Variants in P2RX7 observed in about 807,000 individuals in gnomAD.
P2RX7 encodes the protein purinergic receptor P2X 7, also known as P2X purinoceptor 7.
Under a neutral mutation model 71.6 loss-of-function variants are expected in P2RX7, and 62 were observed. The observed-to-expected ratio is 0.87, with a 90% confidence interval of 0.71 to 1.07. The LOEUF (loss-of-function observed/expected upper bound fraction) is 1.07. Among genes scored for constraint, P2RX7 ranks in the 50% least tolerant of loss-of-function variants. The probability of loss-of-function intolerance (pLI) is 0.00; values close to 1 mark genes in which losing one functional copy is unlikely to be tolerated. For missense variants in P2RX7, 686 were observed against 748.5 expected (o/e 0.92, Z 0.97); for synonymous variants, 299 against 283.3 (o/e 1.06, Z -0.56).
chr12:121,168,302 C>T (rs1326636102), intron 8 of P2RX7, among the ~76,000 whole-genome samples: 2 of 141,432 alleles, frequency 1.4e-5, no homozygotes, highest in Non-Finnish European at 1.5e-5. Context: ...TAGATGGAGT[C>T]ACACTCTGCT....
intron 1 of P2RX7, among the ~76,000 whole-genome samples, chr12:121,135,841 T>C (rs1231235489): frequency 6.7e-6 from 1 of 149,574 alleles, no homozygotes; most frequent in Non-Finnish European, 1.5e-5. Flanking sequence ...CCATCTGTGC[T>C]AAAAATACAA....
chr12:121,137,298 A>G (rs1565935052), intron 1 of P2RX7, among the ~76,000 whole-genome samples: 1 of 152,166 alleles, frequency 6.6e-6, no homozygotes, highest in African/African-American at 2.4e-5. Flanking sequence ...CCCCTAAAAT[A>G]AGTCAACTCC....
At chr12:121,166,608 C>G (rs1421104481) in intron 7 of P2RX7, among the ~76,000 whole-genome samples, 1 of 152,178 alleles carries the variant, frequency 6.6e-6, no homozygotes, top group African/African-American at 2.4e-5. Flanking sequence ...AGCAGCATAA[C>G]ATCTTGCCTC....
Position 121,154,735 on chromosome 12 carries a change from A to G in P2RX7, c.126-50A>G, listed in dbSNP as rs1460159214. ...TGCATCCTCCAACGCCTGCATCCCA[A>G]CCCGCTGTGCTATGCCTCCCGTTGA... On this transcript the variant is annotated intron_variant, in intron 1 of 12. Transcript: ENST00000328963. This position sits in a 1 kb window ranked among gnomAD's most constrained non-coding sequence, Gnocchi z 4.2. 7.8e-7 allele frequency: 1 copy of G among 1,276,428 alleles called. No individual in the cohort carries two copies. The highest frequency in any genetic ancestry group is 1.1e-6 in the Non-Finnish European group (1 of 871,592). 79.1% of individuals were successfully genotyped at this position (1,276,428 alleles called of 1,614,324 possible).
chr12:121,145,198 C>G (rs2136004687), intron 1 of P2RX7, among the ~76,000 whole-genome samples: 1 of 152,248 alleles, frequency 6.6e-6, no homozygotes, highest in East Asian at 1.9e-4. Context: ...GCAGAAGTCC[C>G]CAAAAGATTC....
intron 1 of P2RX7, chr12:121,148,921 C>T: frequency 2.7e-6 from 1 of 365,506 alleles, no homozygotes; most frequent in Non-Finnish European, 5.3e-6. Context: ...TGTTTGTTGG[C>T]CTGGCTTAGG....
intron 1 of P2RX7, among the ~76,000 whole-genome samples, chr12:121,146,053 A>G (rs1593019235): frequency 1.3e-5 from 2 of 151,988 alleles, no homozygotes; most frequent in African/African-American, 2.4e-5. Flanking sequence ...CCTGTTAGAC[A>G]TTTCTTCCTT....
intron 1 of P2RX7, among the ~76,000 whole-genome samples, chr12:121,153,813 A>G (rs904504318): frequency 6.6e-5 from 10 of 152,108 alleles, no homozygotes; most frequent in African/African-American, 2.4e-4. Context: ...GAAGTGCTCA[A>G]TAAAGAGTAA....
At chr12:121,183,783 C>T (rs1385823143) in intron 12 of P2RX7, among the ~76,000 whole-genome samples, 2 of 151,998 alleles carry the variant, frequency 1.3e-5, no homozygotes, top group Admixed American at 1.3e-4. Flanking sequence ...GTAAAATAGG[C>T]CAGGTGCAGT....
chr12:121,165,226 T>C, intron 5 of P2RX7, 131 bp from the exon 6 acceptor site: 1 of 671,848 alleles, frequency 1.5e-6, no homozygotes, highest in Admixed American at 2.4e-5. Flanking sequence ...CCCACTAGGT[T>C]TGCTGTATCC....
chr12:121,173,252 A>C (rs1653605), intron 8 of P2RX7, among the ~76,000 whole-genome samples: 59,080 of 151,944 alleles, frequency 0.39, 11,939 homozygotes, highest in African/African-American at 0.45. Context: ...GTGGTGTGAT[A>C]TCGGCTCACT....
chr12:121,177,182 C>CATCG lies in P2RX7; in HGVS notation c.1009_1012dup (p.Gly338AspfsTer25), dbSNP rs1565974917. 4 of 1,614,182 alleles carry CATCG rather than the reference C, an allele frequency of 2.5e-6. No individual in the cohort carries two copies. Among genetic ancestry groups the CATCG allele is most frequent in the Middle Eastern group, 1.7e-4 (1 of 6,058 alleles). On this transcript the variant is annotated frameshift_variant, in exon 10 of 13. Coordinates refer to ENST00000328963, the MANE Select transcript of P2RX7 (RefSeq NM_002562.6). LOFTEE classifies it high-confidence loss of function. ...TTGACATTATCCAGCTGGTTGTGTA[C>CATCG]ATCGGCTCAACCCTCTCCTACTTCG...
At chr12:121,133,469 G>A (rs1369515630) in intron 1 of P2RX7, among the ~76,000 whole-genome samples, 1 of 152,212 alleles carries the variant, frequency 6.6e-6, no homozygotes, top group Non-Finnish European at 1.5e-5. Context: ...ATGCTTGGGA[G>A]GAATAGGACC....
intron 11 of P2RX7, among the ~76,000 whole-genome samples, chr12:121,178,499 A>G (rs975638588): frequency 6.6e-6 from 1 of 152,208 alleles, no homozygotes; most frequent in African/African-American, 2.4e-5. Flanking sequence ...AAGGTTAAAT[A>G]ATTGGCCCAA....
intron 12 of P2RX7, among the ~76,000 whole-genome samples, chr12:121,181,383 T>C (rs1884121367): frequency 6.6e-6 from 1 of 152,208 alleles, no homozygotes; most frequent in Non-Finnish European, 1.5e-5. Flanking sequence ...GGCACTCTAC[T>C]GGACAGTTAC....
intron 1 of P2RX7, among the ~76,000 whole-genome samples, chr12:121,150,804 G>T (rs1003599868): frequency 6.6e-6 from 1 of 152,228 alleles, no homozygotes; most frequent in Non-Finnish European, 1.5e-5. Flanking sequence ...AGCTACTTGG[G>T]AGGCTGAGGC....
intron 2 of P2RX7, 88 bp downstream of exon 2, chr12:121,155,041 TC>T: frequency 6.4e-7 from 1 of 1,560,188 alleles, no homozygotes; most frequent in Non-Finnish European, 8.7e-7. Flanking sequence ...ACAGCCTCAC[TC>T]CAGAAAAAAC....
chr12:121,140,914 C>T (rs1335410674), intron 1 of P2RX7, among the ~76,000 whole-genome samples: 1 of 152,090 alleles, frequency 6.6e-6, no homozygotes, highest in East Asian at 1.9e-4. Flanking sequence ...GGCGAAATCC[C>T]ATCTCTACTA....
intron 8 of P2RX7, among the ~76,000 whole-genome samples, chr12:121,172,093 C>A (rs1882313704): frequency 1.3e-5 from 2 of 151,734 alleles, no homozygotes; most frequent in African/African-American, 4.8e-5. Context: ...GATCTCCTGA[C>A]CTCGTGATCT....
Sources: gnomAD v4.1 joint callset for allele counts (sites outside exome capture counted in the v4.1 genomes callset) on GRCh38, gnomAD v4.1.1 for gene constraint, Gnocchi (gnomAD v3.1) non-coding constraint, MANE v1.5 for transcripts, NCBI Gene and HGNC (gene_info 2026-07-23, HGNC 2026-07-21) for gene names.